ABCA10: variants seen among roughly 807,000 people sequenced by gnomAD.
ABCA10 encodes ATP-binding cassette sub-family A member 10.
ABCA10 carries 169 observed loss-of-function variants against 187.5 expected under a neutral mutation model. The observed-to-expected ratio is 0.90, with a 90% confidence interval of 0.80 to 1.02. The LOEUF (loss-of-function observed/expected upper bound fraction) is 1.02, where lower values mean the gene tolerates loss of function less well. ABCA10 is among the 50% of genes least tolerant of loss of function. ABCA10 has a pLI of 0.00. For synonymous variants in ABCA10, 574 were observed against 601.8 expected (o/e 0.95, Z 0.68); for missense variants, 1,727 against 1,812.4 (o/e 0.95, Z 0.86).
intron 36 of ABCA10, chr17:69,150,405 G>A (rs1231778574): frequency 5.9e-6 from 1 of 169,114 alleles, no homozygotes; most frequent in Non-Finnish European, 1.3e-5. Context: ...CTCTCTCATA[G>A]GAGAGATTGA....
intron 6 of ABCA10, 66 bp from the exon 7 acceptor site, chr17:69,216,424 A>C: frequency 6.6e-7 from 1 of 1,515,356 alleles, no homozygotes; most frequent in African/African-American, 1.4e-5. Context: ...GTAATGTGCG[A>C]AATGGTTAAG....
chr17:69,233,876 G>A (rs1053221772), intron 1 of ABCA10: 1 of 152,162 alleles, frequency 6.6e-6, no homozygotes, highest in African/African-American at 2.4e-5. Flanking sequence ...AGATAGACCT[G>A]GGGAAGACCA....
intron 1 of ABCA10, chr17:69,234,240 A>G (rs764116810): frequency 6.6e-6 from 1 of 152,344 alleles, no homozygotes; most frequent in Non-Finnish European, 1.5e-5. Context: ...CCCAGGATGC[A>G]AGACATGGGC....
At chr17:69,149,167 GC>G (rs1417123388) in intron 37 of ABCA10, 79 bp from the exon 38 acceptor site, 1 of 1,482,084 alleles carries the variant, frequency 6.7e-7, no homozygotes, top group East Asian at 2.3e-5. Flanking sequence ...AGAGACAGTA[GC>G]TTCAAATTGT....
intron 8 of ABCA10, 150 bp downstream of exon 8, chr17:69,215,665 C>CTTTTTTTGTTCTTATTTAGT (rs1348830971): frequency 5.4e-6 from 4 of 746,674 alleles, no homozygotes; most frequent in African/African-American, 1.9e-5. Flanking sequence ...TTTGATAAAA[C>CTTTTTTTGTTCTTATTTAGT]TTTTTTGTTG....
intron 20 of ABCA10, among the ~76,000 whole-genome samples, chr17:69,184,021 T>C (rs898797917): frequency 8.5e-5 from 13 of 152,048 alleles, no homozygotes; most frequent in African/African-American, 2.9e-4. Flanking sequence ...CAAACTCAGT[T>C]CTGTTGTAGG....
In ABCA10 at chr17:69,202,419, G is replaced by A. The variant is rs9907823; in HGVS notation, c.1007-751C>T. Among the ~76,000 whole-genome samples the A allele has an allele frequency of 3.4e-3, 522 of 152,108 alleles. 4 individuals carry two copies. Among genetic ancestry groups the A allele is most frequent in the African/African-American group, 0.012 (503 of 41,516 alleles). ...TCCAAGTCCTAAGAATACAACAAAA[G>A]CACAAAAATGAACATATTAAGAATG... On this transcript the variant is annotated intron_variant, in intron 9 of 38. Coordinates refer to ENST00000690296, the MANE Select transcript of ABCA10 (RefSeq NM_001377321.1).
chr17:69,214,179 C>A (rs959105254), intron 9 of ABCA10, among the ~76,000 whole-genome samples: 1 of 152,206 alleles, frequency 6.6e-6, no homozygotes, highest in Non-Finnish European at 1.5e-5. Context: ...AAGACAAAAA[C>A]CAAAATAAAT....
chr17:69,184,880 T>TAC (rs1190166312), intron 20 of ABCA10, among the ~76,000 whole-genome samples: 28 of 144,528 alleles, frequency 1.9e-4, no homozygotes, highest in South Asian at 6.6e-4. Context: ...TGTATATATA[T>TAC]ACACACACAC....
chr17:69,149,416 A>C, intron 37 of ABCA10: 1 of 249,770 alleles, frequency 4.0e-6, no homozygotes, highest in South Asian at 8.0e-5. Context: ...AGAGGAGTCC[A>C]CTCCATGCTG....
chr17:69,231,218 A>G (rs1470930780), upstream of ABCA10, among the ~76,000 whole-genome samples: 2 of 152,006 alleles, frequency 1.3e-5, no homozygotes, highest in African/African-American at 4.8e-5. Flanking sequence ...CGTAACTCTA[A>G]TATCTGTGTT....
intron 1 of ABCA10, among the ~76,000 whole-genome samples, chr17:69,235,206 A>G (rs1329144934): frequency 6.6e-6 from 1 of 152,224 alleles, no homozygotes; most frequent in Non-Finnish European, 1.5e-5. Flanking sequence ...TTTCAATATT[A>G]GAGATAACTA....
At chr17:69,187,944 GA>G in intron 18 of ABCA10, 65 bp from the exon 19 acceptor site, 3 of 1,460,610 alleles carry the variant, frequency 2.1e-6, no homozygotes, top group Non-Finnish European at 2.8e-6. Flanking sequence ...TAAAAACTTT[GA>G]AAATGATGTT....
At chr17:69,209,487 C>T (rs548201866) in intron 9 of ABCA10, among the ~76,000 whole-genome samples, 57 of 151,898 alleles carry the variant, frequency 3.8e-4, no homozygotes, top group Non-Finnish European at 6.5e-4. Flanking sequence ...AACGATAGTA[C>T]AATAAAGATT....
rs769399405 is a variant in ABCA10 at position 69,190,357 on chromosome 17, C to CATAAAA, written c.2131_2131+1insTTTTAT (p.Asp711delinsValLeuTyr). 12 of 1,541,174 alleles carry CATAAAA rather than the reference C, an allele frequency of 7.8e-6. No individual in the cohort carries two copies. The highest frequency in any genetic ancestry group is 1.7e-4 in the Middle Eastern group (1 of 5,854). On this transcript the variant is annotated protein_altering_variant and splice_region_variant. Coordinates refer to ENST00000690296, the MANE Select transcript of ABCA10 (RefSeq NM_001377321.1). The stretch of plus-strand genomic sequence containing the variant: ...TTTCTGCTAGACACACATTTTTATA[C>CATAAAA]CTGGTTCATCAATTGCTGATTTTCC...
At chr17:69,233,977 C>G (rs1424784502) in intron 1 of ABCA10, 1 of 152,292 alleles carries the variant, frequency 6.6e-6, no homozygotes. Context: ...CCATCTCCTA[C>G]AGTCCCTGGA....
chr17:69,225,437 G>T lies in ABCA10; in HGVS notation c.-79C>A. ...CATTAAACTGATCCACGCTTCCCAG[G>T]ACTTTAGGAGGTTGTTCAGGAAAAC... On this transcript the variant is annotated 5_prime_UTR_variant, in exon 3 of 39. Coordinates refer to ENST00000690296, the MANE Select transcript of ABCA10 (RefSeq NM_001377321.1). 1 of 1,487,598 alleles carries T rather than the reference G, an allele frequency of 6.7e-7. No individual in the cohort carries two copies. The allele number at this position is 1,487,598 out of a possible 1,614,324, so 92.1% of individuals were successfully genotyped here. A position where few individuals can be genotyped will look rare whatever the true frequency, so the allele number is the denominator to read the frequency against.
chr17:69,174,927 A>G lies in ABCA10; in HGVS notation c.2878-150T>C, dbSNP rs966844147. The G allele has an allele frequency of 4.9e-5, 30 of 618,388 alleles. No individual in the cohort carries two copies. In the African/African-American group the frequency reaches 4.9e-4, roughly 10 times the overall value. 38.3% of individuals were successfully genotyped at this position (618,388 alleles called of 1,614,324 possible). A position where few individuals can be genotyped will look rare whatever the true frequency, so the allele number is the denominator to read the frequency against. ...TCCTCCTAAAAATCTAGCATCTCCA[A>G]TGGAAATGTGTAGTTATTGGTTCAA... On this transcript the variant is annotated intron_variant, in intron 23 of 38. Transcript: ENST00000690296.
chr17:69,219,590 A>T lies in ABCA10; in HGVS notation c.485T>A (p.Phe162Tyr), dbSNP rs2074730603. ...SLNVARERGK[F>Y]KKLMTVMGLR... ...ACCCATCACTGTCATCAGTTTCTTA[A>T]ATTTTCCTCTTTCCCTTGCAACATT... Residue 162 changes from phenylalanine (F) to tyrosine (Y), a missense_variant, in exon 6 of 39, where the codon TTT becomes TAT. By Grantham distance (22) the Phe-to-Tyr change is conservative. Coordinates refer to ENST00000690296, the MANE Select transcript of ABCA10 (RefSeq NM_001377321.1). The T allele has an allele frequency of 6.2e-7, 1 of 1,608,428 alleles. No homozygotes were observed. The highest frequency in any genetic ancestry group is 8.5e-7 in the Non-Finnish European group (1 of 1,177,962).
Sources: gnomAD v4.1 joint callset for allele counts (sites outside exome capture counted in the v4.1 genomes callset) on GRCh38, gnomAD v4.1.1 for gene constraint, MANE v1.5 for transcripts, NCBI Gene and HGNC (gene_info 2026-07-23, HGNC 2026-07-21) for gene names.